The following SSBP2 variants were observed in gnomAD, a reference collection of about 807,000 sequenced individuals.
SSBP2 encodes the protein single stranded DNA binding protein 2.
SSBP2 carries 17 observed loss-of-function variants against 61.8 expected under a neutral mutation model. The observed-to-expected ratio is 0.28, with a 90% confidence interval of 0.19 to 0.41. SSBP2 has a LOEUF of 0.41. Among genes scored for constraint, SSBP2 ranks in the 10% least tolerant of loss-of-function variants. The pLI, the probability that SSBP2 is intolerant of heterozygous loss-of-function variation, is 1.00. For missense variants in SSBP2, 310 were observed against 458.7 expected (o/e 0.68, Z 2.96); for synonymous variants, 139 against 141.3 (o/e 0.98, Z 0.12).
intron 4 of SSBP2, among the ~76,000 whole-genome samples, chr5:81,521,601 T>C (rs536540340): frequency 6.6e-6 from 1 of 152,144 alleles, no homozygotes; most frequent in African/African-American, 2.4e-5. Context: ...CCTTGGGATA[T>C]CATCTGTTTT....
intron 6 of SSBP2, among the ~76,000 whole-genome samples, chr5:81,485,516 C>A (rs1444866951): frequency 2.6e-5 from 4 of 152,072 alleles, no homozygotes; most frequent in African/African-American, 9.7e-5. Flanking sequence ...AAAGAGATGT[C>A]TTTTACATAT....
At chr5:81,686,522 A>G (rs1403113941) in intron 1 of SSBP2, among the ~76,000 whole-genome samples, 1 of 152,178 alleles carries the variant, frequency 6.6e-6, no homozygotes, top group Non-Finnish European at 1.5e-5. Flanking sequence ...AAAAGCCAGT[A>G]ATTATTGTAT....
At chr5:81,436,975 A>G (rs1316752581) in intron 15 of SSBP2, among the ~76,000 whole-genome samples, 2 of 152,192 alleles carry the variant, frequency 1.3e-5, no homozygotes, top group African/African-American at 4.8e-5. Flanking sequence ...TGTGGAAATC[A>G]GCATTTCCTA....
At chr5:81,460,588 A>C (rs914219310) in intron 10 of SSBP2, among the ~76,000 whole-genome samples, 1 of 152,182 alleles carries the variant, frequency 6.6e-6, no homozygotes, top group Non-Finnish European at 1.5e-5. Context: ...TAACAGGTAC[A>C]AGGTAAATAT....
At chr5:81,674,306 C>T (rs1036450885) in intron 1 of SSBP2, among the ~76,000 whole-genome samples, 5 of 152,148 alleles carry the variant, frequency 3.3e-5, no homozygotes, top group African/African-American at 1.2e-4. Context: ...CAACCGCTAC[C>T]ACTCTCACCA....
chr5:81,514,150 G>C (rs1222706857), intron 4 of SSBP2, among the ~76,000 whole-genome samples: 1 of 151,716 alleles, frequency 6.6e-6, no homozygotes, highest in South Asian at 2.1e-4. Context: ...TTTTTTTTAA[G>C]ATTATGCTTT....
At chr5:81,574,002 G>A (rs371458836) in intron 4 of SSBP2, among the ~76,000 whole-genome samples, 2 of 152,008 alleles carry the variant, frequency 1.3e-5, no homozygotes, top group Non-Finnish European at 2.9e-5. Context: ...TTAGCCAGGC[G>A]TGGTGGTGGG....
At chr5:81,510,693 G>A (rs1040945578) in intron 5 of SSBP2, among the ~76,000 whole-genome samples, 6 of 151,942 alleles carry the variant, frequency 3.9e-5, no homozygotes, top group African/African-American at 7.3e-5. Context: ...CCCAGAAGGC[G>A]GAGGTTGCGG....
intron 3 of SSBP2, among the ~76,000 whole-genome samples, chr5:81,627,169 T>C (rs1353041817): frequency 1.3e-5 from 2 of 152,228 alleles, no homozygotes; most frequent in Non-Finnish European, 2.9e-5. Flanking sequence ...GTCCTTTACA[T>C]TTAATGAAGA....
intron 1 of SSBP2, among the ~76,000 whole-genome samples, chr5:81,747,001 C>G (rs1180733300): frequency 8.6e-6 from 1 of 116,266 alleles, no homozygotes; most frequent in Non-Finnish European, 1.8e-5. Context: ...AACTTTAAAA[C>G]AAGCAATCAA....
intron 1 of SSBP2, among the ~76,000 whole-genome samples, chr5:81,687,698 AG>A (rs1314869290): frequency 6.6e-6 from 1 of 152,212 alleles, no homozygotes; most frequent in Non-Finnish European, 1.5e-5. Flanking sequence ...AGAGTCGTGA[AG>A]TTACCATTCC....
intron 10 of SSBP2, among the ~76,000 whole-genome samples, chr5:81,455,303 T>A (rs1445675367): frequency 1.3e-5 from 2 of 152,160 alleles, no homozygotes; most frequent in Non-Finnish European, 2.9e-5. Flanking sequence ...CCTTCAAAAC[T>A]CTTACCTTCT....
chr5:81,583,234 C>G (rs1487514242), intron 4 of SSBP2, among the ~76,000 whole-genome samples: 1 of 152,002 alleles, frequency 6.6e-6, no homozygotes, highest in Admixed American at 6.5e-5. Flanking sequence ...CAAATCAAAT[C>G]AAACATAAAT....
chr5:81,500,507 C>A (rs954276589), intron 5 of SSBP2, among the ~76,000 whole-genome samples: 6 of 152,162 alleles, frequency 3.9e-5, no homozygotes, highest in Admixed American at 1.3e-4. Flanking sequence ...TGTCGCCAGG[C>A]TGGAGTACAG....
At chr5:81,710,095 A>C (rs1292300205) in intron 1 of SSBP2, among the ~76,000 whole-genome samples, 1 of 152,062 alleles carries the variant, frequency 6.6e-6, no homozygotes, top group Admixed American at 6.6e-5. Context: ...AAACCAAGAG[A>C]GTGAACTCTA....
At chr5:81,604,332 C>T (rs1744668677) in intron 4 of SSBP2, among the ~76,000 whole-genome samples, 1 of 151,064 alleles carries the variant, frequency 6.6e-6, no homozygotes, top group Non-Finnish European at 1.5e-5. Context: ...TGGCACATCA[C>T]TTGACATGTA....
intron 1 of SSBP2, among the ~76,000 whole-genome samples, chr5:81,716,139 T>C (rs1230160598): frequency 6.6e-6 from 1 of 150,630 alleles, no homozygotes; most frequent in Non-Finnish European, 1.5e-5. Context: ...GGGAAGTCAA[T>C]AGATAGCGTC....
At chr5:81,678,248 A>T (rs1262292499) in intron 1 of SSBP2, among the ~76,000 whole-genome samples, 1 of 152,220 alleles carries the variant, frequency 6.6e-6, no homozygotes, top group Non-Finnish European at 1.5e-5. Context: ...TAGAGACCAT[A>T]AACACTGTAA....
intron 3 of SSBP2, among the ~76,000 whole-genome samples, chr5:81,632,428 A>G (rs770554833): frequency 6.6e-6 from 1 of 152,248 alleles, no homozygotes; most frequent in Non-Finnish European, 1.5e-5. Context: ...TCTAGGTTCC[A>G]AAAATTGTTA....
Sources: gnomAD v4.1 joint callset for allele counts (sites outside exome capture counted in the v4.1 genomes callset) on GRCh38, gnomAD v4.1.1 for gene constraint, MANE v1.5 for transcripts, NCBI Gene and HGNC (gene_info 2026-07-23, HGNC 2026-07-21) for gene names.